Variants in DESI2 observed in about 807,000 individuals in gnomAD.
DESI2 encodes deubiquitinase DESI2.
In DESI2, 10 loss-of-function variants were observed where a neutral mutation model predicts 24.1. The observed-to-expected ratio is 0.41, with a 90% CI of 0.26 to 0.70. DESI2 has a LOEUF of 0.70. Among genes scored for constraint, DESI2 ranks in the 30% least tolerant of loss-of-function variants. The probability of loss-of-function intolerance (pLI) is 0.29; values close to 1 mark genes in which losing one functional copy is unlikely to be tolerated. For synonymous variants in DESI2, 71 were observed against 87.7 expected (o/e 0.81, Z 1.06); for missense variants, 122 against 234.9 (o/e 0.52, Z 3.14).
rs879834834 is a variant in DESI2 at position 244,706,397 on chromosome 1, G to A, written c.*608G>A. ...CTCTTCACACCCCCTTCCACTCTGAGTAGCACATCTCCCCAGGTGCCCATG... is the reference window on the plus strand; with the variant it reads ...CTCTTCACACCCCCTTCCACTCTGAATAGCACATCTCCCCAGGTGCCCATG... On this transcript the variant is annotated 3_prime_UTR_variant, in exon 5 of 5. Transcript: ENST00000302550. The A allele has an allele frequency of 1.8e-4, 28 of 153,510 alleles. No individual in the cohort carries two copies. Among genetic ancestry groups the A allele is most frequent in the Non-Finnish European group, 3.2e-4 (22 of 68,766 alleles). The allele number at this position is 153,510 out of a possible 1,614,324, so 9.5% of individuals were successfully genotyped here.
At chr1:244,655,983 C>T (rs574541911) in intron 1 of DESI2, among the ~76,000 whole-genome samples, 1 of 152,302 alleles carries the variant, frequency 6.6e-6, no homozygotes, top group South Asian at 2.1e-4. Context: ...GATTGAGATA[C>T]AAATTTTGGT....
chr1:244,701,809 TTC>T (rs781159751), intron 4 of DESI2, among the ~76,000 whole-genome samples: 8 of 152,252 alleles, frequency 5.3e-5, no homozygotes, highest in Non-Finnish European at 1.0e-4. Context: ...TATTCCTCAC[TTC>T]TTTTTTTAGC....
At chr1:244,696,128 A>G (rs1558666747) in intron 4 of DESI2, among the ~76,000 whole-genome samples, 1 of 152,224 alleles carries the variant, frequency 6.6e-6, no homozygotes, top group Non-Finnish European at 1.5e-5. Context: ...TCTTTTTAAC[A>G]TAACCACATG....
intron 1 of DESI2, among the ~76,000 whole-genome samples, chr1:244,681,669 A>G (rs1676618659): frequency 6.6e-6 from 1 of 152,224 alleles, no homozygotes; most frequent in Non-Finnish European, 1.5e-5. Context: ...CAGTACCACT[A>G]TGAACAACAC....
chr1:244,693,474 C>T (rs1677100484), intron 4 of DESI2, among the ~76,000 whole-genome samples: 1 of 151,900 alleles, frequency 6.6e-6, no homozygotes, highest in Admixed American at 6.6e-5. Flanking sequence ...CTTTGTCACC[C>T]AGGCTGGAGT....
In DESI2 at chr1:244,696,146, CACTCCTAAAATTA is replaced by C. The variant is rs567300804; in HGVS notation, c.351+4140_351+4152del. On this transcript the variant is annotated intron_variant, in intron 4 of 4. Transcript: ENST00000302550. The stretch of plus-strand genomic sequence containing the variant: ...TTTTAACATAACCACATGATGTCAT[CACTCCTAAAATTA>C]ACTCCTAAAATTATGTTATCACTCC... Among the ~76,000 whole-genome samples, 26 of 152,290 alleles carry C rather than the reference CACTCCTAAAATTA, an allele frequency of 1.7e-4. No homozygotes were observed. The East Asian group carries it at 2.5e-3, about 15-fold the overall frequency.
chr1:244,697,414 T>C (rs1420545310), intron 4 of DESI2, among the ~76,000 whole-genome samples: 2 of 149,896 alleles, frequency 1.3e-5, no homozygotes, highest in Non-Finnish European at 3.0e-5. Flanking sequence ...GAGGTGGAAG[T>C]TACAATGAGC....
intron 1 of DESI2, among the ~76,000 whole-genome samples, chr1:244,665,838 C>G (rs1384686551): frequency 6.6e-6 from 1 of 152,200 alleles, no homozygotes; most frequent in Admixed American, 6.5e-5. Flanking sequence ...GTTGTGTGAG[C>G]CAGTTCCTTA....
rs149260802 is a variant in DESI2, at chr1:244,669,026, G to C, written c.42+15671G>C. Reference sequence around the variant, plus strand: ...TGAAAGGCCCTTTTTTGTGAGACAGGGTCTTACTTTGACACCCAGTCTAGA... The same window carrying C: ...TGAAAGGCCCTTTTTTGTGAGACAGCGTCTTACTTTGACACCCAGTCTAGA... On this transcript the variant is annotated intron_variant, in intron 1 of 4. Transcript: ENST00000302550. 3.0e-3 allele frequency among the ~76,000 whole-genome samples: 451 copies of C among 151,992 alleles called. 3 individuals are homozygous for C. The highest frequency in any genetic ancestry group is 0.01 in the African/African-American group (434 of 41,458).
chr1:244,666,381 T>A (rs561424034), intron 1 of DESI2, among the ~76,000 whole-genome samples: 1 of 152,330 alleles, frequency 6.6e-6, no homozygotes, highest in South Asian at 2.1e-4. Context: ...CACCACTCTT[T>A]TCTGCCTCAT....
At chr1:244,698,065 G>C (rs571597445) in intron 4 of DESI2, among the ~76,000 whole-genome samples, 1 of 152,320 alleles carries the variant, frequency 6.6e-6, no homozygotes, top group South Asian at 2.1e-4. Flanking sequence ...GTGGGGTAGC[G>C]GGGGCAGTTA....
At chr1:244,664,477 G>C (rs1223052840) in intron 1 of DESI2, among the ~76,000 whole-genome samples, 3 of 152,248 alleles carry the variant, frequency 2.0e-5, no homozygotes, top group Non-Finnish European at 4.4e-5. Context: ...CAGGCACTGT[G>C]GCTCAGGCCT....
intron 4 of DESI2, among the ~76,000 whole-genome samples, chr1:244,693,222 T>C (rs1573221709): frequency 1.3e-5 from 2 of 152,204 alleles, no homozygotes; most frequent in African/African-American, 4.8e-5. Flanking sequence ...GTGCTTATTA[T>C]ATTTTACCAT....
chr1:244,660,163 T>C (rs3000692), intron 1 of DESI2, among the ~76,000 whole-genome samples: 9 of 75,300 alleles, frequency 1.2e-4, no homozygotes, highest in South Asian at 6.3e-4. Flanking sequence ...TCTTTTTTTG[T>C]TGTTGTTTTG....
At chr1:244,699,578 CAAAAAAAAAAAAAAAAAAAAA>C (rs559295405) in intron 4 of DESI2, among the ~76,000 whole-genome samples, 6,745 of 66,358 alleles carry the variant, frequency 0.1, 279 homozygotes, top group Middle Eastern at 0.18. Context: ...GAGACTGTCT[CAAAAAAAAAAAAAAAAAAAAA>C]AAAAAAAAAA....
chr1:244,658,491 C>T (rs543429232), intron 1 of DESI2, among the ~76,000 whole-genome samples: 41 of 152,260 alleles, frequency 2.7e-4, no homozygotes, highest in African/African-American at 9.1e-4. Context: ...AGTTGTGCTT[C>T]GTGCCTGTCT....
intron 1 of DESI2, among the ~76,000 whole-genome samples, chr1:244,655,018 A>G (rs1675598957): frequency 6.6e-6 from 1 of 152,222 alleles, no homozygotes; most frequent in South Asian, 2.1e-4. Context: ...GAAAACGAAA[A>G]TGCATGTTTT....
chr1:244,654,453 T>C (rs1675577668), intron 1 of DESI2, among the ~76,000 whole-genome samples: 1 of 152,172 alleles, frequency 6.6e-6, no homozygotes, highest in Admixed American at 6.5e-5. Context: ...TACAGTGTTA[T>C]TATATCTTGG....
In DESI2 at chr1:244,689,722, C is replaced by A. The variant is rs1676955004; in HGVS notation, c.209+380C>A. On this transcript the variant is annotated intron_variant, in intron 3 of 4. Coordinates refer to ENST00000302550, the MANE Select transcript of DESI2 (RefSeq NM_016076.5). This position sits in a 1 kb window ranked among gnomAD's most constrained non-coding sequence, Gnocchi z 4.0. ...ATGGAGTTTCGCCATGTTGGCCAGG[C>A]TAGTCTTGAACTCCTGACCTCAGGT... is the stretch of plus-strand genomic sequence containing the variant. 6.6e-6 allele frequency among the ~76,000 whole-genome samples: 1 copy of A among 152,016 alleles called. No homozygotes were observed. The highest frequency in any genetic ancestry group is 6.6e-5 in the Admixed American group (1 of 15,266).
Sources: allele counts gnomAD v4.1 joint callset (sites outside exome capture counted in the v4.1 genomes callset), GRCh38; gene constraint gnomAD v4.1.1; non-coding constraint Gnocchi (gnomAD v3.1); transcripts MANE v1.5; gene names NCBI Gene and HGNC (gene_info 2026-07-23, HGNC 2026-07-21).